Variants in ARHGAP24 observed in about 807,000 individuals in gnomAD.
The protein encoded by ARHGAP24 is Rho GTPase activating protein 24.
In ARHGAP24, 50 loss-of-function variants were observed where a neutral mutation model predicts 76.4. The observed-to-expected ratio is 0.65, with a 90% CI of 0.52 to 0.83. The LOEUF (loss-of-function observed/expected upper bound fraction) is 0.83, where lower values mean the gene tolerates loss of function less well. Ranked by LOEUF, ARHGAP24 falls within the 40% of genes least tolerant of loss-of-function variation. ARHGAP24 has a pLI of 0.00. For synonymous variants in ARHGAP24, 345 were observed against 323.3 expected, an observed-to-expected ratio of 1.07 and a Z score of -0.72; for missense variants, 930 against 914.2, an observed-to-expected ratio of 1.02 and a Z score of -0.22.
At chr4:85,625,134 T>G (rs1366100852) in intron 2 of ARHGAP24, among the ~76,000 whole-genome samples, 5 of 152,228 alleles carry the variant, frequency 3.3e-5, no homozygotes, top group African/African-American at 7.2e-5. Context: ...TGTTTGCTCT[T>G]GCTTTTCTAG....
chr4:85,527,301 A>G (rs186354575), intron 1 of ARHGAP24, among the ~76,000 whole-genome samples: 36 of 152,246 alleles, frequency 2.4e-4, no homozygotes, highest in Admixed American at 4.6e-4. Flanking sequence ...TTAATGCATG[A>G]GTTTTATTTG....
chr4:85,669,691 ATG>A (rs1445920809), intron 2 of ARHGAP24, among the ~76,000 whole-genome samples: 195 of 76,436 alleles, frequency 2.6e-3, no homozygotes, highest in Non-Finnish European at 3.8e-3. Flanking sequence ...ATATATATAT[ATG>A]TGATATATAT....
At chr4:85,505,277 T>G (rs531066589) in intron 1 of ARHGAP24, among the ~76,000 whole-genome samples, 21 of 152,292 alleles carry the variant, frequency 1.4e-4, no homozygotes, top group African/African-American at 4.1e-4. Flanking sequence ...TGCCTTGCTA[T>G]ATTGGGGAAG....
At chr4:85,932,167 A>T (rs1258372351) in intron 4 of ARHGAP24, among the ~76,000 whole-genome samples, 1 of 152,196 alleles carries the variant, frequency 6.6e-6, no homozygotes, top group African/African-American at 2.4e-5. Context: ...ATCCACAAAG[A>T]TAATTAAATG....
intron 2 of ARHGAP24, among the ~76,000 whole-genome samples, chr4:85,663,564 G>A (rs898707839): frequency 6.7e-6 from 1 of 148,384 alleles, no homozygotes; most frequent in Non-Finnish European, 1.5e-5. Flanking sequence ...TGTTGAATAG[G>A]AGTGGTGAGA....
chr4:85,630,965 C>G (rs1427993044), intron 2 of ARHGAP24, among the ~76,000 whole-genome samples: 2 of 151,974 alleles, frequency 1.3e-5, no homozygotes, highest in Non-Finnish European at 2.9e-5. Flanking sequence ...AGTACTTATA[C>G]TATTCACTGC....
intron 2 of ARHGAP24, among the ~76,000 whole-genome samples, chr4:85,700,176 C>T (rs1296330169): frequency 4.6e-5 from 7 of 152,032 alleles, no homozygotes; most frequent in South Asian, 2.1e-4. Flanking sequence ...GGGTGAATCA[C>T]CTGAGGTCAG....
intron 2 of ARHGAP24, among the ~76,000 whole-genome samples, chr4:85,623,413 A>T (rs1377806145): frequency 6.6e-6 from 1 of 152,090 alleles, no homozygotes; most frequent in African/African-American, 2.4e-5. Flanking sequence ...TGGTAGATAC[A>T]TGGCATTATT....
chr4:86,000,829 A>C lies in ARHGAP24; in HGVS notation c.*107A>C, dbSNP rs1740980233. The C allele has an allele frequency of 1.3e-6, 2 of 1,510,872 alleles. No homozygotes were observed. Among genetic ancestry groups the C allele is most frequent in the African/African-American group, 2.8e-5 (2 of 72,230 alleles). The allele number at this position is 1,510,872 out of a possible 1,614,324, so 93.6% of individuals were successfully genotyped here. On this transcript the variant is annotated 3_prime_UTR_variant, in exon 10 of 10. Transcript: ENST00000395184. ...TGGTCACCTGGATGTACAGAAGTCTAACTGGTGAAGGAATATCATTTACAG... is the reference window on the plus strand; with the variant it reads ...TGGTCACCTGGATGTACAGAAGTCTCACTGGTGAAGGAATATCATTTACAG...
intron 8 of ARHGAP24, chr4:85,990,779 G>T (rs1740274926): frequency 6.6e-6 from 1 of 151,774 alleles, no homozygotes; most frequent in South Asian, 2.1e-4. Flanking sequence ...ACTTAAAATG[G>T]ATCACAGACC....
chr4:85,995,452 G>T lies in ARHGAP24; in HGVS notation c.1798G>T (p.Asp600Tyr). ...TGTTTTGGATGGGCCCCCGCAGGAC[G>T]ACCTTTCCCACCCCAGGGACTATGA... The part of the protein sequence containing the change: ...DPVLDGPPQD[D>Y]LSHPRDYESK... The change falls in exon 9 of 10, where the codon GAC becomes TAC. Residue 600 changes from aspartate to tyrosine, a missense_variant. Asp to Tyr is a radical substitution (Grantham distance 160). Coordinates refer to ENST00000395184, the MANE Select transcript of ARHGAP24 (RefSeq NM_001025616.3). The T allele has an allele frequency of 5.6e-6, 9 of 1,607,250 alleles. No homozygotes were observed. The highest frequency in any genetic ancestry group is 7.7e-6 in the Non-Finnish European group (9 of 1,175,430).
chr4:85,496,726 G>A (rs1195156966), intron 1 of ARHGAP24, among the ~76,000 whole-genome samples: 1 of 152,192 alleles, frequency 6.6e-6, no homozygotes, highest in Non-Finnish European at 1.5e-5. Context: ...ATAGTTCATG[G>A]TTTGCACCAC....
At chr4:85,720,283 G>T (rs1317306927) in intron 2 of ARHGAP24, among the ~76,000 whole-genome samples, 1 of 149,970 alleles carries the variant, frequency 6.7e-6, no homozygotes, top group Non-Finnish European at 1.5e-5. Flanking sequence ...AATAATAAAA[G>T]AAAGATGTCA....
chr4:85,578,447 C>T (rs1015609422), intron 2 of ARHGAP24, among the ~76,000 whole-genome samples: 1 of 152,184 alleles, frequency 6.6e-6, no homozygotes, highest in African/African-American at 2.4e-5. Flanking sequence ...ACCATTTTCA[C>T]ACTCATAATT....
chr4:85,956,800 A>G (rs570692347), intron 5 of ARHGAP24, among the ~76,000 whole-genome samples: 1 of 152,318 alleles, frequency 6.6e-6, no homozygotes, highest in African/African-American at 2.4e-5. Context: ...GGCAGCAAAA[A>G]GCAGTGGTGG....
chr4:85,756,842 C>A (rs1219860708), intron 3 of ARHGAP24, among the ~76,000 whole-genome samples: 2 of 152,136 alleles, frequency 1.3e-5, no homozygotes, highest in East Asian at 3.9e-4. Context: ...CCGTGTTGAC[C>A]AAGGGAGTTT....
At chr4:85,676,732 G>A (rs1410721305) in intron 2 of ARHGAP24, among the ~76,000 whole-genome samples, 1 of 152,192 alleles carries the variant, frequency 6.6e-6, no homozygotes, top group Admixed American at 6.5e-5. Flanking sequence ...GTCTGAGGGG[G>A]CCAAGCAGTA....
chr4:85,570,527 T>C lies in ARHGAP24; in HGVS notation c.-15T>C, dbSNP rs764973985. On this transcript the variant is annotated 5_prime_UTR_variant, in exon 2 of 10. Coordinates refer to ENST00000395184, the MANE Select transcript of ARHGAP24 (RefSeq NM_001025616.3). ...TCTTTTTGTTTGCTAACTAGGAAAG[T>C]CCATCAGCTTGATAATGGAGGAGAA... 15 of 1,613,454 alleles carry C rather than the reference T, an allele frequency of 9.3e-6. No individual in the cohort carries two copies. In the South Asian group the frequency reaches 1.2e-4, roughly 13 times the overall value.
chr4:85,865,680 G>C (rs927291905), intron 3 of ARHGAP24, among the ~76,000 whole-genome samples: 1 of 150,968 alleles, frequency 6.6e-6, no homozygotes, highest in Non-Finnish European at 1.5e-5. Flanking sequence ...TTGGAAGTAA[G>C]CATGGAATAT....
Sources: allele counts gnomAD v4.1 joint callset (sites outside exome capture counted in the v4.1 genomes callset), GRCh38; gene constraint gnomAD v4.1.1; transcripts MANE v1.5; gene names NCBI Gene and HGNC (gene_info 2026-07-23, HGNC 2026-07-21).